PKD1L1: variants seen among roughly 807,000 people sequenced by gnomAD.
The protein encoded by PKD1L1 is polycystin-1-like protein 1.
In PKD1L1, 236 loss-of-function variants were observed where a neutral mutation model predicts 323.4. The ratio of observed to expected loss-of-function variants is 0.73; its 90% CI spans 0.66 to 0.81. The LOEUF is 0.81. Among genes scored for constraint, PKD1L1 ranks in the 40% least tolerant of loss-of-function variants. The pLI, the probability that PKD1L1 is intolerant of heterozygous loss-of-function variation, is 0.00. For synonymous variants in PKD1L1, 1,344 were observed against 1,335.0 expected (o/e 1.01, Z -0.15); for missense variants, 3,320 against 3,508.0 (o/e 0.95, Z 1.35).
At chr7:47,835,693 G>T (rs138731379) in intron 37 of PKD1L1, among the ~76,000 whole-genome samples, 2 of 152,026 alleles carry the variant, frequency 1.3e-5, no homozygotes, top group Non-Finnish European at 2.9e-5. Context: ...GAGCTACTGC[G>T]CCTGGCCACA....
chr7:47,899,361 T>C (rs1787027598), intron 13 of PKD1L1, among the ~76,000 whole-genome samples: 1 of 152,188 alleles, frequency 6.6e-6, no homozygotes, highest in African/African-American at 2.4e-5. Flanking sequence ...TAGTAGCTGA[T>C]ACATATACAA....
At chr7:47,874,639 A>G (rs1181976230) in intron 23 of PKD1L1, among the ~76,000 whole-genome samples, 1 of 152,172 alleles carries the variant, frequency 6.6e-6, no homozygotes, top group African/African-American at 2.4e-5. Flanking sequence ...GTCAGTGGAT[A>G]CTAGGTGGGC....
intron 55 of PKD1L1, chr7:47,795,395 C>G: frequency 2.2e-6 from 1 of 454,878 alleles, no homozygotes; most frequent in Non-Finnish European, 4.4e-6. Flanking sequence ...GTAAGAAGTG[C>G]CTTTCACCTC....
rs1785470657 is a variant in PKD1L1, at chr7:47,836,964, T to G, written c.5900A>C (p.Tyr1967Ser). The G allele has an allele frequency of 1.2e-6, 2 of 1,614,020 alleles. No homozygotes were observed. Among genetic ancestry groups the G allele is most frequent in the African/African-American group, 2.7e-5 (2 of 74,944 alleles). Residue 1967 changes from tyrosine to serine, a missense_variant, in exon 37 of 57, where the codon TAC becomes TCC. Physicochemically the swap from Tyr to Ser is moderately radical, Grantham distance 144 (BLOSUM62 -2). Transcript: ENST00000289672. ...LTVSFSLLCVYACLTALVAAG... is the reference protein window; with the variant it reads ...LTVSFSLLCVSACLTALVAAG... ...AGCAACCAGGGCAGTGAGACACGCG[T>G]AGACGCACAGCAGGGAGAAGGACAC...
intron 49 of PKD1L1, 136 bp downstream of exon 49, chr7:47,812,985 C>T (rs2128729885): frequency 3.0e-6 from 3 of 1,014,638 alleles, no homozygotes; most frequent in Non-Finnish European, 4.3e-6. Context: ...TGGCTGGAGC[C>T]CCTGGCAGTG....
At chr7:47,878,676 T>G (rs1786461525) in intron 21 of PKD1L1, among the ~76,000 whole-genome samples, 1 of 152,196 alleles carries the variant, frequency 6.6e-6, no homozygotes, top group Admixed American at 6.5e-5. Context: ...TCTTGGGGTA[T>G]CAGTCTTATA....
At chr7:47,885,186 A>T (rs1786655217) in intron 18 of PKD1L1, among the ~76,000 whole-genome samples, 1 of 152,200 alleles carries the variant, frequency 6.6e-6, no homozygotes, top group Non-Finnish European at 1.5e-5. Flanking sequence ...AATTGACAAG[A>T]GCATGCAGAG....
At position 47,855,283 on chromosome 7, in the gene PKD1L1, A is replaced by C. The variant is rs1327535488; in HGVS notation, c.4591-18T>G. The C allele has an allele frequency of 9.5e-6, 15 of 1,584,386 alleles. No individual in the cohort carries two copies. Among genetic ancestry groups the C allele is most frequent in the Non-Finnish European group, 1.3e-5 (15 of 1,156,792 alleles). ...CCACCAATCTTGGGGAACAAAGACC[A>C]TCTCAGAGCAAATGACAGCAAGCAA... On this transcript the variant is annotated intron_variant, in intron 28 of 56. Transcript: ENST00000289672.
rs774549509 is a variant in PKD1L1, at chr7:47,808,344, C to T, written c.7730G>A (p.Gly2577Asp). The change falls in exon 52 of 57, where the codon GGC (glycine) becomes GAC (aspartate). Residue 2577 changes from glycine (G) to aspartate (D), a missense_variant. By Grantham distance (94) the Gly-to-Asp change is moderately conservative. Coordinates refer to ENST00000289672, the MANE Select transcript of PKD1L1 (RefSeq NM_138295.5). ...GVSLTYYAVS[G>D]HLVTLAGDVT... ...ATCTCCAGCAAGAGTAACAAGGTGGCCGGAAACTGCATAGTAGGTGAGGCT... is the reference window on the plus strand; with the variant it reads ...ATCTCCAGCAAGAGTAACAAGGTGGTCGGAAACTGCATAGTAGGTGAGGCT... The T allele has an allele frequency of 6.2e-7, 1 of 1,614,118 alleles. No individual in the cohort carries two copies. Among genetic ancestry groups the T allele is most frequent in the Non-Finnish European group, 8.5e-7 (1 of 1,180,034 alleles).
Position 47,834,363 on chromosome 7 carries a change from T to C in PKD1L1, c.6150A>G (p.Ile2050Met). Residue 2050 changes from isoleucine to methionine, a missense_variant, in exon 40 of 57, where the codon ATA (isoleucine) becomes ATG (methionine). By Grantham distance (10) the Ile-to-Met change is conservative. Transcript: ENST00000289672. Reference sequence around the variant, plus strand: ...CCTTGCGTGGCTCCTGTGCGTCTGGTATCCTTCCCCAGGAATTAGGACCTG... The same window carrying C: ...CCTTGCGTGGCTCCTGTGCGTCTGGCATCCTTCCCCAGGAATTAGGACCTG... ...APHGPNSWGR[I>M]PDAQEPRKQP... 1 of 1,614,096 alleles carries C rather than the reference T, an allele frequency of 6.2e-7. No individual in the cohort carries two copies.
rs568428196 is a variant in PKD1L1, at chr7:47,868,984, G to A, written c.3897-2370C>T. Among the ~76,000 whole-genome samples, 8 of 152,276 alleles carry A rather than the reference G, an allele frequency of 5.3e-5. No homozygotes were observed. In the East Asian group the frequency reaches 1.5e-3, roughly 29 times the overall value. Reference sequence around the variant, plus strand: ...ATACATAACAATCATAACACAAAAAGGGAAGAGGAAATGGATCTATAGAGG... The same window carrying A: ...ATACATAACAATCATAACACAAAAAAGGAAGAGGAAATGGATCTATAGAGG... On this transcript the variant is annotated intron_variant, in intron 24 of 56. Transcript: ENST00000289672.
At chr7:47,868,093 C>T (rs1469196118) in intron 24 of PKD1L1, among the ~76,000 whole-genome samples, 1 of 152,200 alleles carries the variant, frequency 6.6e-6, no homozygotes, top group Non-Finnish European at 1.5e-5. Flanking sequence ...AAAGTCTAGG[C>T]GTGGTGGCTC....
chr7:47,950,402 T>A (rs116384108), upstream of PKD1L1, among the ~76,000 whole-genome samples: 292 of 152,246 alleles, frequency 1.9e-3, no homozygotes, highest in African/African-American at 6.6e-3. Context: ...GAAAGTGACA[T>A]AATTGAGGGA....
chr7:47,785,895 C>A (rs1786795707), intron 56 of PKD1L1, among the ~76,000 whole-genome samples: 1 of 152,032 alleles, frequency 6.6e-6, no homozygotes, highest in African/African-American at 2.4e-5. Context: ...GCGCCCATCA[C>A]CACAGCCGGC....
the PKD1L1 span, among the ~76,000 whole-genome samples, chr7:47,957,862 A>ATATATATATATATATATCT: frequency 2.2e-5 from 3 of 134,666 alleles, no homozygotes; most frequent in Non-Finnish European, 4.8e-5. Context: ...ATTAAAAAAA[A>ATATATATATATATATATCT]ATATATATAT....
chr7:47,805,853 T>C (rs949377663), intron 52 of PKD1L1, among the ~76,000 whole-genome samples: 1 of 152,340 alleles, frequency 6.6e-6, no homozygotes, highest in Non-Finnish European at 1.5e-5. Flanking sequence ...TACTAGTACC[T>C]GTTTCATTAG....
chr7:47,884,635 G>GCT lies in PKD1L1; in HGVS notation c.3227_3228insAG (p.Asp1076GlufsTer27), dbSNP rs1346355194. On this transcript the variant is annotated frameshift_variant, in exon 19 of 57. Coordinates refer to ENST00000289672, the MANE Select transcript of PKD1L1 (RefSeq NM_138295.5). LOFTEE classifies it high-confidence loss of function. ...CTCCCGATGGTATTGCTTCTTGAAT[G>GCT]TCACTGTAATAGGCTTCAAAATCTA... The GCT allele has an allele frequency of 2.5e-5, 41 of 1,613,716 alleles. No individual in the cohort carries two copies. The highest frequency in any genetic ancestry group is 3.5e-5 in the Non-Finnish European group (41 of 1,179,792).
In PKD1L1 at chr7:47,877,654, G is replaced by C. The variant is rs201272208; in HGVS notation, c.3521-23C>G. On this transcript the variant is annotated intron_variant, in intron 21 of 56. Transcript: ENST00000289672. ...AAGCTAAAGAGAAAGATGAAGCAGC[G>C]GTTTCACCCATGATGGAGAATTACA... The C allele has an allele frequency of 1.4e-5, 23 of 1,610,604 alleles. No homozygotes were observed. The South Asian group carries it at 2.4e-4, about 17-fold the overall frequency.
At chr7:47,864,943 G>A (rs1195424852) in intron 26 of PKD1L1, among the ~76,000 whole-genome samples, 2 of 151,966 alleles carry the variant, frequency 1.3e-5, no homozygotes, top group African/African-American at 2.4e-5. Flanking sequence ...GGTCAGGCTG[G>A]TCTCGAACTC....
Sources: allele counts gnomAD v4.1 joint callset (sites outside exome capture counted in the v4.1 genomes callset), GRCh38; gene constraint gnomAD v4.1.1; transcripts MANE v1.5; gene names NCBI Gene and HGNC (gene_info 2026-07-23, HGNC 2026-07-21).